Variants in FHIT observed in about 807,000 individuals in gnomAD.
The protein encoded by FHIT is fragile histidine triad diadenosine triphosphatase, also known as bis(5'-adenosyl)-triphosphatase.
A neutral mutation model predicts 17.9 loss-of-function variants in FHIT; 19 were observed. That is an observed-to-expected ratio of 1.06 (90% confidence interval 0.74 to 1.56). The LOEUF is 1.56. Ranked by LOEUF, FHIT falls within the 40% of genes most tolerant of loss-of-function variation. FHIT has a pLI of 0.00. For synonymous variants in FHIT, 81 were observed against 69.7 expected (o/e 1.16, Z -0.81); for missense variants, 248 against 189.2 (o/e 1.31, Z -1.82).
chr3:60,618,435 A>G (rs1237473130), intron 4 of FHIT, among the ~76,000 whole-genome samples: 1 of 152,024 alleles, frequency 6.6e-6, no homozygotes, highest in East Asian at 1.9e-4. Flanking sequence ...TCTCCCTCCC[A>G]GCAGCACCCC....
At chr3:60,006,297 G>C (rs1351666139) in intron 7 of FHIT, among the ~76,000 whole-genome samples, 9 of 152,282 alleles carry the variant, frequency 5.9e-5, no homozygotes, top group South Asian at 2.1e-4. Context: ...TCAGAGTAAA[G>C]TTTTCTCAAG....
chr3:60,690,505 C>T (rs374768253), intron 4 of FHIT: 9 of 563,670 alleles, frequency 1.6e-5, no homozygotes, highest in East Asian at 1.4e-4. Context: ...GCTACCAGTG[C>T]CATTATGGCA....
intron 5 of FHIT, among the ~76,000 whole-genome samples, chr3:60,298,456 C>T (rs752269310): frequency 6.6e-6 from 1 of 152,094 alleles, no homozygotes; most frequent in Non-Finnish European, 1.5e-5. Flanking sequence ...GGGGCAGAGG[C>T]CAAATATGTT....
chr3:60,102,261 G>A (rs1032199642), intron 5 of FHIT, among the ~76,000 whole-genome samples: 1 of 152,216 alleles, frequency 6.6e-6, no homozygotes. Context: ...GGCCGCCAAT[G>A]TTGGCAGCAG....
intron 7 of FHIT, among the ~76,000 whole-genome samples, chr3:60,009,163 TTATG>T (rs1311885004): frequency 0.053 from 6,781 of 128,494 alleles, 560 homozygotes; most frequent in East Asian, 0.11. Context: ...CTCTGGGATT[TTATG>T]TGTGTGTGTG....
intron 5 of FHIT, among the ~76,000 whole-genome samples, chr3:60,490,828 A>G (rs964423651): frequency 1.3e-5 from 2 of 152,182 alleles, no homozygotes; most frequent in Non-Finnish European, 2.9e-5. Context: ...GGTAGATAGT[A>G]GCATCATGCT....
At chr3:60,840,448 G>C (rs1702684111) in intron 3 of FHIT, among the ~76,000 whole-genome samples, 2 of 152,156 alleles carry the variant, frequency 1.3e-5, no homozygotes, top group African/African-American at 4.8e-5. Context: ...AATCAATTCT[G>C]CAGAGGTGAA....
At position 60,945,929 on chromosome 3, in the gene FHIT, G is replaced by A. The variant is rs79085968; in HGVS notation, c.-111+96118C>T. On this transcript the variant is annotated intron_variant, in intron 3 of 9. Coordinates refer to ENST00000492590, the MANE Select transcript of FHIT (RefSeq NM_002012.4). Reference sequence around the variant, plus strand: ...ATGCAGGATCACCGTGTAGAACAGAGGATCCACTGCAGTCAGCATAGTTGT... The same window carrying A: ...ATGCAGGATCACCGTGTAGAACAGAAGATCCACTGCAGTCAGCATAGTTGT... Among the ~76,000 whole-genome samples, 897 of 152,250 alleles carry A rather than the reference G, an allele frequency of 5.9e-3. 11 individuals carry two copies. The highest frequency in any genetic ancestry group is 0.021 in the African/African-American group (852 of 41,540).
At chr3:60,424,505 T>C (rs964819978) in intron 5 of FHIT, among the ~76,000 whole-genome samples, 3 of 152,182 alleles carry the variant, frequency 2.0e-5, no homozygotes, top group Non-Finnish European at 4.4e-5. Flanking sequence ...TTTAAACTTC[T>C]ACATCCTAAA....
chr3:60,267,702 A>G (rs1706655137), intron 5 of FHIT, among the ~76,000 whole-genome samples: 1 of 152,132 alleles, frequency 6.6e-6, no homozygotes, highest in Admixed American at 6.6e-5. Flanking sequence ...ATATTTAAGC[A>G]TTTACTAATG....
intron 8 of FHIT, among the ~76,000 whole-genome samples, chr3:59,865,280 A>T (rs1523115): frequency 0.55 from 83,225 of 152,176 alleles, 24,148 homozygotes; most frequent in African/African-American, 0.75. Context: ...CTTTTAAACC[A>T]TGGCTGTCAC....
chr3:60,411,656 G>A (rs1426575181), intron 5 of FHIT, among the ~76,000 whole-genome samples: 1 of 152,122 alleles, frequency 6.6e-6, no homozygotes, highest in African/African-American at 2.4e-5. Flanking sequence ...GTGATTGGCA[G>A]GGTAAAAACT....
At chr3:59,840,571 A>T (rs1281572836) in intron 8 of FHIT, among the ~76,000 whole-genome samples, 1 of 152,124 alleles carries the variant, frequency 6.6e-6, no homozygotes. Context: ...ATTCATAAGC[A>T]AGCACGCAGG....
Position 60,029,783 on chromosome 3 carries a change from T to C in FHIT, c.104-15631A>G, listed in dbSNP as rs569146211. 2.0e-5 allele frequency among the ~76,000 whole-genome samples: 3 copies of C among 152,226 alleles called. No individual in the cohort carries two copies. In the East Asian group the frequency reaches 5.8e-4, roughly 29 times the overall value. On this transcript the variant is annotated intron_variant, in intron 5 of 9. Coordinates refer to ENST00000492590, the MANE Select transcript of FHIT (RefSeq NM_002012.4). ...AAGTGAGGAGAATTACCTAATTGTT[T>C]TGAGGTAATTATCCTTGGTTACTAG...
At chr3:60,126,549 G>C (rs1229376976) in intron 5 of FHIT, among the ~76,000 whole-genome samples, 1 of 152,116 alleles carries the variant, frequency 6.6e-6, no homozygotes, top group East Asian at 1.9e-4. Flanking sequence ...GTATACCTGA[G>C]GTTGCTATCA....
chr3:61,094,199 A>G (rs2035570367), intron 2 of FHIT, among the ~76,000 whole-genome samples: 1 of 152,154 alleles, frequency 6.6e-6, no homozygotes, highest in Non-Finnish European at 1.5e-5. Context: ...GGTTAGAGGT[A>G]TACAGTTTTC....
chr3:61,019,862 T>C (rs995849464), intron 3 of FHIT, among the ~76,000 whole-genome samples: 1 of 152,082 alleles, frequency 6.6e-6, no homozygotes, highest in Non-Finnish European at 1.5e-5. Context: ...ATTCATATGA[T>C]TTTCTCTTTT....
At chr3:60,054,409 A>G (rs1279730888) in intron 5 of FHIT, among the ~76,000 whole-genome samples, 1 of 152,230 alleles carries the variant, frequency 6.6e-6, no homozygotes, top group Non-Finnish European at 1.5e-5. Flanking sequence ...CATAGCTTCT[A>G]CTGACAAATG....
chr3:59,984,539 G>C (rs774271840), intron 7 of FHIT, among the ~76,000 whole-genome samples: 1 of 151,912 alleles, frequency 6.6e-6, no homozygotes, highest in Admixed American at 6.6e-5. Flanking sequence ...TGACACTTTA[G>C]GCCTACACTC....
Sources: gnomAD v4.1 joint callset for allele counts (sites outside exome capture counted in the v4.1 genomes callset) on GRCh38, gnomAD v4.1.1 for gene constraint, MANE v1.5 for transcripts, NCBI Gene and HGNC (gene_info 2026-07-23, HGNC 2026-07-21) for gene names.